Variants in EEF1G observed in about 807,000 individuals in gnomAD.
EEF1G encodes elongation factor 1-gamma.
Under a neutral mutation model 58.3 loss-of-function variants are expected in EEF1G, and 14 were observed. The observed-to-expected ratio is 0.24, with a 90% CI of 0.16 to 0.38. The LOEUF (loss-of-function observed/expected upper bound fraction) is 0.38, where lower values mean the gene tolerates loss of function less well. Among genes scored for constraint, EEF1G ranks in the 10% least tolerant of loss-of-function variants. EEF1G has a pLI of 1.00. For missense variants in EEF1G, 322 were observed against 550.1 expected (o/e 0.59, Z 4.15); for synonymous variants, 180 against 206.8 (o/e 0.87, Z 1.11).
chr11:62,571,815 T>A, intron 3 of EEF1G, 23 bp downstream of exon 3: 1 of 1,580,414 alleles, frequency 6.3e-7, no homozygotes, highest in South Asian at 1.2e-5. Flanking sequence ...ATTCTCCCAT[T>A]CCCATATACC....
At chr11:62,568,930 G>A (rs934320452) in intron 5 of EEF1G, among the ~76,000 whole-genome samples, 6 of 151,364 alleles carry the variant, frequency 4.0e-5, no homozygotes, top group South Asian at 2.1e-4. Flanking sequence ...CCGAGATCGC[G>A]CCATCGCACT....
intron 7 of EEF1G, 60 bp from the exon 8 acceptor site, chr11:62,560,514 A>T: frequency 6.4e-7 from 1 of 1,555,626 alleles, no homozygotes; most frequent in Non-Finnish European, 8.7e-7. Flanking sequence ...GGCTAAGAGA[A>T]GTGAAGGGTG....
chr11:62,568,071 T>C (rs1471087675), intron 5 of EEF1G, among the ~76,000 whole-genome samples: 1 of 149,630 alleles, frequency 6.7e-6, no homozygotes, highest in Non-Finnish European at 1.5e-5. Context: ...CTCCTAAAAA[T>C]AAAAAAATTA....
chr11:62,572,819 C>T, intron 1 of EEF1G, 77 bp from the exon 2 acceptor site: 2 of 1,375,358 alleles, frequency 1.5e-6, no homozygotes, highest in Non-Finnish European at 2.0e-6. Flanking sequence ...GGATGACTTT[C>T]CTGAATAATC....
chr11:62,560,842 G>A (rs1025413790), intron 7 of EEF1G, among the ~76,000 whole-genome samples: 1 of 152,046 alleles, frequency 6.6e-6, no homozygotes, highest in Non-Finnish European at 1.5e-5. Context: ...CACCATACAG[G>A]CCTCTTCAGG....
Position 62,565,427 on chromosome 11 carries a change from T to C in EEF1G, c.857+1379A>G, listed in dbSNP as rs1015796022. On this transcript the variant is annotated intron_variant, in intron 7 of 9. Transcript: ENST00000329251. ...GGGGAAAGCATTTCTGGCAGCCCTG[T>C]AGGGCATCATGGTAACCCAATAAAT... Among the ~76,000 whole-genome samples, 6 of 151,864 alleles carry C rather than the reference T, an allele frequency of 4.0e-5. No homozygotes were observed. In the East Asian group the frequency reaches 1.2e-3, roughly 29 times the overall value.
Position 62,560,181 on chromosome 11 carries a change from C to A in EEF1G, c.1043G>T (p.Arg348Leu), listed in dbSNP as rs763992037. The A allele has an allele frequency of 6.2e-7, 1 of 1,613,998 alleles. No individual in the cohort carries two copies. Among genetic ancestry groups the A allele is most frequent in the Admixed American group, 1.7e-5 (1 of 60,024 alleles). The change falls in exon 9 of 10, where the codon CGA becomes CTA. Residue 348 changes from arginine (R) to leucine (L), a missense_variant. Physicochemically the swap from Arg to Leu is moderately radical, Grantham distance 102. Coordinates refer to ENST00000329251, the MANE Select transcript of EEF1G (RefSeq NM_001404.5). The part of the protein sequence containing the change: ...SCNLITGMFQ[R>L]LDKLRKNAFA... ...GGCATTCTTCCTCAGCTTGTCCAGTCGCTGGAACATTCCTGAAGCGGCAAG... is the reference window on the plus strand; with the variant it reads ...GGCATTCTTCCTCAGCTTGTCCAGTAGCTGGAACATTCCTGAAGCGGCAAG...
chr11:62,562,806 C>T (rs1160113356), intron 7 of EEF1G, among the ~76,000 whole-genome samples: 2 of 151,818 alleles, frequency 1.3e-5, no homozygotes, highest in South Asian at 2.1e-4. Flanking sequence ...TATTTTCCTA[C>T]AGCCTTTGAT....
intron 5 of EEF1G, among the ~76,000 whole-genome samples, chr11:62,570,600 G>A (rs1225118920): frequency 6.6e-6 from 1 of 152,038 alleles, no homozygotes; most frequent in East Asian, 1.9e-4. Context: ...TCTCACCCAG[G>A]CTGGAGTGCA....
rs1045086696 is a variant in EEF1G, at chr11:62,571,221, A to T, written c.379-113T>A. 6 of 1,496,814 alleles carry T rather than the reference A, an allele frequency of 4.0e-6. No individual in the cohort carries two copies. In the Admixed American group the frequency reaches 1.1e-4, roughly 28 times the overall value. 92.7% of individuals were successfully genotyped at this position (1,496,814 alleles called of 1,614,324 possible). On this transcript the variant is annotated intron_variant, in intron 4 of 9. Transcript: ENST00000329251. ...CACCTAGAAGTCTGAGCTCACCCTC[A>T]CTCTCTTTCAATGGAGGCAGATCCT... is the stretch of plus-strand genomic sequence containing the variant.
chr11:62,573,785 T>TG, intron 1 of EEF1G, 46 bp downstream of exon 1: 1 of 1,613,202 alleles, frequency 6.2e-7, no homozygotes, highest in Non-Finnish European at 8.5e-7. Context: ...GGGCAAAGGA[T>TG]GGCGGTGGAT....
intron 7 of EEF1G, among the ~76,000 whole-genome samples, chr11:62,561,688 A>AAAAAAAAAAAAAAAAAACAAAAC (rs1941498250): frequency 1.4e-5 from 2 of 140,432 alleles, no homozygotes; most frequent in Admixed American, 7.2e-5. Flanking sequence ...AAAACAAAAA[A>AAAAAAAAAAAAAAAAAACAAAAC]AAAAAAAACA....
rs374364469 is a variant in EEF1G, at chr11:62,571,854, G to A, written c.219C>T (p.Asn73=). The change falls in exon 3 of 10, where the codon AAC becomes AAT. Residue 73 remains asparagine (N), a synonymous_variant. Coordinates refer to ENST00000329251, the MANE Select transcript of EEF1G (RefSeq NM_001404.5). ...GDDGFCVFES[N]AIAYYVSNEE... is the part of the protein sequence containing the mutation. ...GCAAATTACCATAGTAGGCAATGGCGTTGCTCTCAAACACACAGAATCCAT... is the reference window on the plus strand; with the variant it reads ...GCAAATTACCATAGTAGGCAATGGCATTGCTCTCAAACACACAGAATCCAT... 2.8e-5 allele frequency: 45 copies of A among 1,589,218 alleles called. No homozygotes were observed. The African/African-American group carries it at 3.9e-4, about 14-fold the overall frequency.
Position 62,572,519 on chromosome 11 carries a change from G to C in EEF1G, c.171+65C>G, listed in dbSNP as rs1055241068. ...CTTTTAGAGATGGGGGCCACCACCA[G>C]AGTGACAGAATCGCAGGGCCTTGGT... is the stretch of plus-strand genomic sequence containing the variant. On this transcript the variant is annotated intron_variant, in intron 2 of 9. Transcript: ENST00000329251. The C allele has an allele frequency of 4.4e-6, 7 of 1,593,426 alleles. No homozygotes were observed. In the East Asian group the frequency reaches 6.7e-5, roughly 15 times the overall value.
At chr11:62,570,694 A>G (rs1049849458) in intron 5 of EEF1G, among the ~76,000 whole-genome samples, 2 of 152,086 alleles carry the variant, frequency 1.3e-5, no homozygotes, top group African/African-American at 4.8e-5. Flanking sequence ...AGCTGGGGCT[A>G]TAGGTGTGCG....
chr11:62,563,428 G>A (rs1451345318), intron 7 of EEF1G, among the ~76,000 whole-genome samples: 2 of 152,056 alleles, frequency 1.3e-5, no homozygotes, highest in Non-Finnish European at 2.9e-5. Flanking sequence ...GAGCCACCGC[G>A]CCCAGCCTAA....
At position 62,567,495 on chromosome 11, in the gene EEF1G, T is replaced by C; in HGVS notation, c.556A>G (p.Asn186Asp). ...LEPSFRQAFP[N>D]TNRWFLTCIN... ...CAGGTGAGGAACCAGCGGTTGGTAT[T>C]GGGAAAGGCCTGGCGGAAAGAAGGC... Residue 186 changes from asparagine to aspartate, a missense_variant, in exon 6 of 10, where the codon AAT becomes GAT. By Grantham distance (23) the Asn-to-Asp change is conservative. Coordinates refer to ENST00000329251, the MANE Select transcript of EEF1G (RefSeq NM_001404.5). 6.2e-7 allele frequency: 1 copy of C among 1,611,182 alleles called. No individual in the cohort carries two copies. The highest frequency in any genetic ancestry group is 8.5e-7 in the Non-Finnish European group (1 of 1,178,598).
chr11:62,566,988 T>C lies in EEF1G; in HGVS notation c.675A>G (p.Gln225=), dbSNP rs371597439. Residue 225 remains glutamine, a synonymous_variant, in exon 7 of 10, where the codon CAA becomes CAG. Coordinates refer to ENST00000329251, the MANE Select transcript of EEF1G (RefSeq NM_001404.5). ...CTTTCCGTGGTGTGTCCTTTTTAGG[T>C]TGGGTCTCTGCAAACTTTTTAGCTG... ...QFDAKKFAET[Q]PKKDTPRKEK... The C allele has an allele frequency of 1.5e-5, 24 of 1,613,856 alleles. No homozygotes were observed. In the Middle Eastern group the frequency reaches 6.6e-4, roughly 44 times the overall value.
chr11:62,561,001 T>C (rs1480162073), intron 7 of EEF1G, among the ~76,000 whole-genome samples: 1 of 152,222 alleles, frequency 6.6e-6, no homozygotes, highest in African/African-American at 2.4e-5. Context: ...GCCCTTAGGT[T>C]CAGGTTATCT....
Sources: gnomAD v4.1 joint callset for allele counts (sites outside exome capture counted in the v4.1 genomes callset) on GRCh38, gnomAD v4.1.1 for gene constraint, MANE v1.5 for transcripts, NCBI Gene and HGNC (gene_info 2026-07-23, HGNC 2026-07-21) for gene names.